PIEZO2: variants seen among roughly 807,000 people sequenced by gnomAD.
PIEZO2 encodes piezo type mechanosensitive ion channel component 2.
PIEZO2 carries 172 observed loss-of-function variants against 337.3 expected under a neutral mutation model. The observed-to-expected ratio is 0.51, with a 90% CI of 0.45 to 0.58. The LOEUF (loss-of-function observed/expected upper bound fraction) is 0.58. Among genes scored for constraint, PIEZO2 ranks in the 20% least tolerant of loss-of-function variants. The pLI, the probability that PIEZO2 is intolerant of heterozygous loss-of-function variation, is 0.00. For synonymous variants in PIEZO2, 1,251 were observed against 1,228.5 expected (o/e 1.02, Z -0.38); for missense variants, 3,028 against 3,391.3 (o/e 0.89, Z 2.66).
At chr18:10,688,600 G>A (rs903434197) in intron 49 of PIEZO2, among the ~76,000 whole-genome samples, 3 of 152,118 alleles carry the variant, frequency 2.0e-5, no homozygotes, top group Non-Finnish European at 4.4e-5. Flanking sequence ...GGGAGCTTTT[G>A]CCTACCTGTC....
At chr18:10,811,534 G>T (rs1023012146) in intron 7 of PIEZO2, among the ~76,000 whole-genome samples, 12 of 152,072 alleles carry the variant, frequency 7.9e-5, no homozygotes, top group African/African-American at 2.7e-4. Flanking sequence ...AAGAGAGAAA[G>T]GTAAGAAACT....
chr18:10,995,083 A>AAAAAAAAAAAAG (rs2035268243), intron 2 of PIEZO2, among the ~76,000 whole-genome samples: 3 of 59,878 alleles, frequency 5.0e-5, no homozygotes, highest in African/African-American at 2.0e-4. Flanking sequence ...GTCTCAAAAA[A>AAAAAAAAAAAAG]AAAAAAAAAA....
chr18:11,063,182 C>CA (rs2038030320), intron 2 of PIEZO2, among the ~76,000 whole-genome samples: 1 of 148,992 alleles, frequency 6.7e-6, no homozygotes, highest in Non-Finnish European at 1.5e-5. Context: ...ATCACAAGGA[C>CA]CAAAAAACAA....
chr18:11,011,075 A>C (rs2035882368), intron 2 of PIEZO2, among the ~76,000 whole-genome samples: 1 of 152,218 alleles, frequency 6.6e-6, no homozygotes, highest in African/African-American at 2.4e-5. Context: ...ACCACTCTAT[A>C]ATTTGTTACA....
chr18:10,925,634 C>T (rs1170919501), intron 3 of PIEZO2, among the ~76,000 whole-genome samples: 1 of 152,168 alleles, frequency 6.6e-6, no homozygotes, highest in Admixed American at 6.5e-5. Flanking sequence ...GACTGGAGTG[C>T]AGTGGCTCAA....
At chr18:11,122,097 G>A (rs954296436) in intron 1 of PIEZO2, among the ~76,000 whole-genome samples, 1 of 152,124 alleles carries the variant, frequency 6.6e-6, no homozygotes, top group African/African-American at 2.4e-5. Flanking sequence ...GGGACTACAG[G>A]CGCCTGCCAC....
At chr18:10,738,650 A>C (rs569377502) in intron 33 of PIEZO2, 1 of 152,354 alleles carries the variant, frequency 6.6e-6, no homozygotes, top group South Asian at 2.1e-4. Flanking sequence ...GCCTGTGTCC[A>C]CATACATATC....
At chr18:10,751,564 A>C (rs190453130) in intron 28 of PIEZO2, among the ~76,000 whole-genome samples, 20 of 150,080 alleles carry the variant, frequency 1.3e-4, no homozygotes, top group Admixed American at 1.3e-3. Context: ...ATGGCTACAT[A>C]AACTTGGCTT....
At chr18:10,692,429 T>C (rs1300352903) in intron 47 of PIEZO2, among the ~76,000 whole-genome samples, 5 of 152,164 alleles carry the variant, frequency 3.3e-5, no homozygotes, top group Non-Finnish European at 7.4e-5. Context: ...GTGCCATATT[T>C]TGGATTTGTC....
chr18:11,121,627 G>A (rs578200638), intron 1 of PIEZO2, among the ~76,000 whole-genome samples: 1 of 152,292 alleles, frequency 6.6e-6, no homozygotes, highest in Admixed American at 6.5e-5. Context: ...AATTCGGCTT[G>A]CCCAGTAAGT....
rs964015932 is a variant in PIEZO2, at chr18:10,773,754, G to A, written c.2568-125C>T. On this transcript the variant is annotated intron_variant, in intron 19 of 55. Coordinates refer to ENST00000674853, the MANE Select transcript of PIEZO2 (RefSeq NM_001378183.1). The surrounding 1 kb of genome is among the most constrained non-coding windows in gnomAD (Gnocchi z 5.3). ...CATGTACAAAGACCTCACAAGGTGG[G>A]GTGTTAGCGTTTTGTCACTTTCTTT... 4 of 901,714 alleles carry A rather than the reference G, an allele frequency of 4.4e-6. No homozygotes were observed. The highest frequency in any genetic ancestry group is 6.6e-6 in the Non-Finnish European group (4 of 603,404). 55.9% of individuals were successfully genotyped at this position (901,714 alleles called of 1,614,324 possible).
chr18:10,710,037 T>C (rs1288077945), intron 39 of PIEZO2, among the ~76,000 whole-genome samples: 3 of 152,272 alleles, frequency 2.0e-5, no homozygotes, highest in African/African-American at 7.2e-5. Flanking sequence ...TGCCCCTTTC[T>C]GGGGCCCCAA....
At chr18:10,698,861 G>A (rs2035212195) in intron 44 of PIEZO2, 64 bp downstream of exon 44, 7 of 1,521,398 alleles carry the variant, frequency 4.6e-6, no homozygotes, top group Admixed American at 4.2e-5. Context: ...AGACCCACAG[G>A]CACCAGAAAA....
rs996881666 is a variant in PIEZO2, at chr18:11,028,238, C to A, written c.160+37889G>T. ...CGCCTTCTTTCTTTTCTTTTCTTTT[C>A]TTCTTCTTCTTCTTTATTTTTTATT... On this transcript the variant is annotated intron_variant, in intron 2 of 55. Coordinates refer to ENST00000674853, the MANE Select transcript of PIEZO2 (RefSeq NM_001378183.1). This position sits in a 1 kb window ranked among gnomAD's most constrained non-coding sequence, Gnocchi z 4.8. Among the ~76,000 whole-genome samples the A allele has an allele frequency of 6.6e-6, 1 of 151,778 alleles. No individual in the cohort carries two copies. The highest frequency in any genetic ancestry group is 2.4e-5 in the African/African-American group (1 of 41,324).
chr18:11,086,816 T>C (rs2038932170), intron 1 of PIEZO2, among the ~76,000 whole-genome samples: 2 of 152,168 alleles, frequency 1.3e-5, no homozygotes, highest in Non-Finnish European at 2.9e-5. Flanking sequence ...AAACAGGATT[T>C]TTAATTCAAA....
intron 4 of PIEZO2, among the ~76,000 whole-genome samples, chr18:10,873,328 G>T (rs1049825998): frequency 6.6e-6 from 1 of 152,088 alleles, no homozygotes; most frequent in Non-Finnish European, 1.5e-5. Context: ...CACGTGAAAA[G>T]ACTAAGGCTT....
In PIEZO2 at chr18:10,672,719, G is replaced by C. The variant is rs903357786; in HGVS notation, c.8316C>G (p.Pro2772=). The change falls in exon 55 of 56, where the codon CCC becomes CCG. Residue 2772 remains proline, a synonymous_variant. Transcript: ENST00000674853. This position sits in a 1 kb window ranked among gnomAD's most constrained non-coding sequence, Gnocchi z 4.7. ...ELVVFNDKVS[P]PSLGFLAGYG... ...AGCCAGCCAGGAACCCCAGACTTGG[G>C]GGACTGACTTTGTCATTGAAGACCA... 1 of 1,613,866 alleles carries C rather than the reference G, an allele frequency of 6.2e-7. No homozygotes were observed. Among genetic ancestry groups the C allele is most frequent in the African/African-American group, 1.3e-5 (1 of 74,888 alleles).
rs531160378 is a variant in PIEZO2, at chr18:11,101,488, CACA to C, written c.65-35269_65-35267del. On this transcript the variant is annotated intron_variant, in intron 1 of 55. Transcript: ENST00000674853. The surrounding 1 kb of genome is among the most constrained non-coding windows in gnomAD (Gnocchi z 4.4). ...ATACAAGAGACCATCTATTATAAAA[CACA>C]ACATTATTTTTAAGCACCAGTGAGA... is the stretch of plus-strand genomic sequence containing the variant. Among the ~76,000 whole-genome samples, 19 of 152,294 alleles carry C rather than the reference CACA, an allele frequency of 1.2e-4. No homozygotes were observed. Among genetic ancestry groups the C allele is most frequent in the African/African-American group, 4.6e-4 (19 of 41,570 alleles).
chr18:10,686,333 G>A (rs554677899), intron 49 of PIEZO2, among the ~76,000 whole-genome samples: 6 of 152,248 alleles, frequency 3.9e-5, no homozygotes, highest in African/African-American at 1.4e-4. Flanking sequence ...TTCTCTCTCT[G>A]GGTCTAAAAA....
Sources: allele counts gnomAD v4.1 joint callset (sites outside exome capture counted in the v4.1 genomes callset), GRCh38; gene constraint gnomAD v4.1.1; non-coding constraint Gnocchi (gnomAD v3.1); transcripts MANE v1.5; gene names NCBI Gene and HGNC (gene_info 2026-07-23, HGNC 2026-07-21).